SMYD3: variants seen among roughly 807,000 people sequenced by gnomAD.
SMYD3 encodes histone-lysine N-methyltransferase SMYD3.
In SMYD3, 36 loss-of-function variants were observed where a neutral mutation model predicts 57.7. The observed-to-expected ratio is 0.62, with a 90% confidence interval of 0.48 to 0.82. The LOEUF is 0.82. SMYD3 is among the 40% of genes least tolerant of loss of function. SMYD3 has a pLI of 0.00. For missense variants in SMYD3, 515 were observed against 538.8 expected (o/e 0.96, Z 0.44); for synonymous variants, 211 against 195.0 (o/e 1.08, Z -0.68).
chr1:246,105,053 C>T (rs28633094), intron 5 of SMYD3, among the ~76,000 whole-genome samples: 3,188 of 152,168 alleles, frequency 0.021, 140 homozygotes, highest in East Asian at 0.15. Context: ...TATTAAGAGG[C>T]AAAATCACAG....
chr1:246,058,989 C>G (rs1186828938), intron 5 of SMYD3, among the ~76,000 whole-genome samples: 1 of 152,070 alleles, frequency 6.6e-6, no homozygotes, highest in Admixed American at 6.5e-5. Flanking sequence ...ATTCTCCTGC[C>G]TCAGCCTCCC....
intron 10 of SMYD3, among the ~76,000 whole-genome samples, chr1:245,804,174 G>C (rs1012167557): frequency 1.3e-5 from 2 of 152,082 alleles, no homozygotes; most frequent in Non-Finnish European, 2.9e-5. Flanking sequence ...GCCTCCCAAA[G>C]TGTTGGGATT....
chr1:246,399,915 T>G (rs926115035), intron 1 of SMYD3, among the ~76,000 whole-genome samples: 1 of 152,236 alleles, frequency 6.6e-6, no homozygotes, highest in South Asian at 2.1e-4. Flanking sequence ...ATTACAATTA[T>G]GAATTTGTTA....
At position 246,072,186 on chromosome 1, in the gene SMYD3, C is replaced by CT. The variant is rs1250966955; in HGVS notation, c.532-142250_532-142249insA. Among the ~76,000 whole-genome samples, 18 of 116,906 alleles carry CT rather than the reference C, an allele frequency of 1.5e-4. 8 individuals carry two copies. Among genetic ancestry groups the CT allele is most frequent in the Admixed American group, 2.6e-4 (3 of 11,728 alleles). The allele number at this position is 116,906 out of a possible 152,430, so 76.7% of individuals were successfully genotyped here. On this transcript the variant is annotated intron_variant, in intron 5 of 11. Coordinates refer to ENST00000490107, the MANE Select transcript of SMYD3 (RefSeq NM_001167740.2). ...TCACTGTCTTTGCATCCTGTTAGTT[C>CT]GGGGGAGGGATTCATGTGCTTTCCA... is the stretch of plus-strand genomic sequence containing the variant.
intron 5 of SMYD3, among the ~76,000 whole-genome samples, chr1:246,085,065 C>G (rs2060700999): frequency 1.3e-5 from 2 of 152,156 alleles, no homozygotes; most frequent in African/African-American, 4.8e-5. Context: ...GCTGTACATC[C>G]TAAAGAATAT....
chr1:246,044,395 A>G (rs1236592330), intron 5 of SMYD3, among the ~76,000 whole-genome samples: 1 of 152,216 alleles, frequency 6.6e-6, no homozygotes, highest in Non-Finnish European at 1.5e-5. Flanking sequence ...ATATCGCATG[A>G]TGTCTATTTT....
intron 10 of SMYD3, among the ~76,000 whole-genome samples, chr1:245,852,585 G>A (rs1458363175): frequency 6.6e-6 from 1 of 152,100 alleles, no homozygotes; most frequent in Non-Finnish European, 1.5e-5. Context: ...TAAAACATAA[G>A]TAATGAGGCC....
chr1:246,112,887 T>C (rs1264030934), intron 5 of SMYD3, among the ~76,000 whole-genome samples: 4 of 152,082 alleles, frequency 2.6e-5, no homozygotes, highest in Non-Finnish European at 5.9e-5. Flanking sequence ...TTCATACAAA[T>C]AGAATAAATT....
intron 5 of SMYD3, among the ~76,000 whole-genome samples, chr1:246,105,268 G>C (rs1184991352): frequency 6.6e-6 from 1 of 152,080 alleles, no homozygotes; most frequent in Non-Finnish European, 1.5e-5. Context: ...CAGAGTTCAG[G>C]AACCTGACTA....
intron 5 of SMYD3, among the ~76,000 whole-genome samples, chr1:246,240,038 G>A (rs1296856098): frequency 6.6e-6 from 1 of 152,114 alleles, no homozygotes; most frequent in Non-Finnish European, 1.5e-5. Flanking sequence ...CATTCTGTAG[G>A]TTGCCTGTTC....
At chr1:246,208,717 G>A (rs779276275) in intron 5 of SMYD3, among the ~76,000 whole-genome samples, 7 of 152,112 alleles carry the variant, frequency 4.6e-5, no homozygotes, top group African/African-American at 7.2e-5. Context: ...GACTATTTAC[G>A]CAGAACCATT....
chr1:245,760,621 A>G (rs1352169956), intron 11 of SMYD3, among the ~76,000 whole-genome samples: 2 of 152,188 alleles, frequency 1.3e-5, no homozygotes, highest in Non-Finnish European at 2.9e-5. Flanking sequence ...TCAAGCATGT[A>G]TTTAACAGAA....
chr1:246,142,315 T>G (rs192576143), intron 5 of SMYD3, among the ~76,000 whole-genome samples: 1 of 152,358 alleles, frequency 6.6e-6, no homozygotes, highest in East Asian at 1.9e-4. Flanking sequence ...CATGGATAGA[T>G]TCTTTCTTCC....
intron 10 of SMYD3, among the ~76,000 whole-genome samples, chr1:245,791,052 A>C (rs1337171313): frequency 2.0e-5 from 3 of 152,138 alleles, no homozygotes. Context: ...AGAAAGGAGG[A>C]GGCCATGGTG....
chr1:246,333,935 A>G lies in SMYD3; in HGVS notation c.336+1432T>C, dbSNP rs551466682. Among the ~76,000 whole-genome samples the G allele has an allele frequency of 2.0e-5, 3 of 152,288 alleles. No homozygotes were observed. The East Asian group carries it at 5.8e-4, about 29-fold the overall frequency. On this transcript the variant is annotated intron_variant, in intron 3 of 11. Coordinates refer to ENST00000490107, the MANE Select transcript of SMYD3 (RefSeq NM_001167740.2). ...CAAAGGACAAGAACAGACACTTCTC[A>G]AAAGACAACATACAGGTGGCCAAAA... is the stretch of plus-strand genomic sequence containing the variant.
At chr1:245,935,573 C>T (rs936249967) in intron 5 of SMYD3, among the ~76,000 whole-genome samples, 3 of 152,130 alleles carry the variant, frequency 2.0e-5, no homozygotes, top group Non-Finnish European at 2.9e-5. Context: ...AAGAGATATC[C>T]GTGCTCCCAC....
chr1:246,074,514 G>GTAC (rs2060512707), intron 5 of SMYD3, among the ~76,000 whole-genome samples: 1 of 151,988 alleles, frequency 6.6e-6, no homozygotes, highest in Non-Finnish European at 1.5e-5. Context: ...CTAACTGAAG[G>GTAC]TACTAGAGAG....
At chr1:245,970,108 A>G (rs1181055775) in intron 5 of SMYD3, among the ~76,000 whole-genome samples, 1 of 152,232 alleles carries the variant, frequency 6.6e-6, no homozygotes, top group African/African-American at 2.4e-5. Context: ...TGGTACCAAA[A>G]CAGACGTATA....
intron 5 of SMYD3, among the ~76,000 whole-genome samples, chr1:246,094,754 C>A (rs868348005): frequency 3.9e-5 from 6 of 152,200 alleles, no homozygotes; most frequent in Non-Finnish European, 7.3e-5. Flanking sequence ...TACTTCATTT[C>A]TTCACGGCTA....
Sources: allele counts gnomAD v4.1 joint callset (sites outside exome capture counted in the v4.1 genomes callset), GRCh38; gene constraint gnomAD v4.1.1; transcripts MANE v1.5; gene names NCBI Gene and HGNC (gene_info 2026-07-23, HGNC 2026-07-21).